The following PXYLP1 variants were observed in gnomAD, a reference collection of about 807,000 sequenced individuals.
The protein encoded by PXYLP1 is acid phosphatase-like 2.
A neutral mutation model predicts 37.9 loss-of-function variants in PXYLP1; 17 were observed. That is an observed-to-expected ratio of 0.45 (90% CI 0.31 to 0.67). The LOEUF (loss-of-function observed/expected upper bound fraction) is 0.67. Among genes scored for constraint, PXYLP1 ranks in the 30% least tolerant of loss-of-function variants. The probability of loss-of-function intolerance (pLI) is 0.07; values close to 1 mark genes in which losing one functional copy is unlikely to be tolerated. For missense variants in PXYLP1, 511 were observed against 612.0 expected, an observed-to-expected ratio of 0.84 and a Z score of 1.74; for synonymous variants, 221 against 232.2, an observed-to-expected ratio of 0.95 and a Z score of 0.44.
chr3:141,259,070 C>T (rs1416743666), intron 1 of PXYLP1, among the ~76,000 whole-genome samples: 2 of 152,164 alleles, frequency 1.3e-5, no homozygotes, highest in African/African-American at 2.4e-5. Context: ...AAAAGATGTG[C>T]TTTTCGTAGT....
chr3:141,256,208 G>A (rs1198764235), intron 1 of PXYLP1, among the ~76,000 whole-genome samples: 2 of 152,130 alleles, frequency 1.3e-5, no homozygotes, highest in African/African-American at 4.8e-5. Flanking sequence ...ATATCTGCTC[G>A]ACCGCAGGGC....
intron 2 of PXYLP1, chr3:141,272,933 T>C (rs1449650545): frequency 9.6e-6 from 9 of 941,818 alleles, no homozygotes; most frequent in African/African-American, 3.6e-5. Flanking sequence ...AGCAATACTT[T>C]GTGTTCTTCA....
chr3:141,238,192 T>C (rs181917251), intron 1 of PXYLP1, among the ~76,000 whole-genome samples: 16 of 152,352 alleles, frequency 1.1e-4, no homozygotes, highest in Non-Finnish European at 1.9e-4. Flanking sequence ...CTGCATTTCC[T>C]GTGTCTGCCG....
At chr3:141,287,174 C>A in intron 4 of PXYLP1, 140 bp from the exon 5 acceptor site, 3 of 871,412 alleles carry the variant, frequency 3.4e-6, no homozygotes, top group African/African-American at 1.7e-5. Context: ...GAAATTGGAA[C>A]TGAAAAGTGA....
intron 2 of PXYLP1, chr3:141,274,410 CT>C: frequency 6.9e-7 from 1 of 1,456,274 alleles, no homozygotes. Flanking sequence ...CCATGTTTGG[CT>C]GTGTTTCACG....
chr3:141,242,824 G>T (rs1940843970), intron 1 of PXYLP1, among the ~76,000 whole-genome samples: 1 of 152,180 alleles, frequency 6.6e-6, no homozygotes, highest in African/African-American at 2.4e-5. Context: ...GCCCCCTGAG[G>T]CAGGCAGCAA....
At chr3:141,254,774 A>G (rs1941228004) in intron 1 of PXYLP1, among the ~76,000 whole-genome samples, 1 of 152,206 alleles carries the variant, frequency 6.6e-6, no homozygotes, top group Non-Finnish European at 1.5e-5. Context: ...CAAAAAAATC[A>G]ACGTGTAGAA....
At chr3:141,277,479 T>C (rs542608432) in intron 2 of PXYLP1, among the ~76,000 whole-genome samples, 4 of 152,038 alleles carry the variant, frequency 2.6e-5, no homozygotes, top group Admixed American at 2.6e-4. Flanking sequence ...GAGGGATAGA[T>C]GGCTGGGCAG....
In PXYLP1 at chr3:141,245,045, CTTTTTTT is replaced by C. The variant is rs10546747; in HGVS notation, c.-54+13150_-54+13156del. Among the ~76,000 whole-genome samples the C allele has an allele frequency of 7.6e-3, 802 of 106,170 alleles. 7 individuals carry two copies. The highest frequency in any genetic ancestry group is 0.025 in the African/African-American group (741 of 29,498). The allele number at this position is 106,170 out of a possible 152,430, so 69.7% of individuals were successfully genotyped here. On this transcript the variant is annotated intron_variant, in intron 1 of 5. Coordinates refer to ENST00000286353, the MANE Select transcript of PXYLP1 (RefSeq NM_001037172.3). ...AAAGGTAAGAAATGCCACTAACTCC[CTTTTTTT>C]TTTTTTTTTTTTTTTGAGACAGAGT...
chr3:141,254,121 C>T (rs1941204936), intron 1 of PXYLP1, among the ~76,000 whole-genome samples: 1 of 152,068 alleles, frequency 6.6e-6, no homozygotes, highest in Non-Finnish European at 1.5e-5. Context: ...CTGTGTTGGC[C>T]AGGCTGGTCT....
intron 2 of PXYLP1, among the ~76,000 whole-genome samples, chr3:141,265,133 G>C (rs1941475761): frequency 6.6e-6 from 1 of 152,246 alleles, no homozygotes; most frequent in East Asian, 1.9e-4. Context: ...GCCCAGGTGA[G>C]TCACCTGTAG....
intron 1 of PXYLP1, among the ~76,000 whole-genome samples, chr3:141,248,490 C>T (rs1256152259): frequency 8.6e-5 from 11 of 127,862 alleles, no homozygotes; most frequent in Admixed American, 3.1e-4. Context: ...AATATGTGTG[C>T]GTGTGTGTAT....
At chr3:141,245,287 G>A (rs1940910584) in intron 1 of PXYLP1, among the ~76,000 whole-genome samples, 2 of 151,904 alleles carry the variant, frequency 1.3e-5, no homozygotes, top group African/African-American at 2.4e-5. Context: ...GGCTGGTCTC[G>A]AACTCCTGAC....
chr3:141,267,243 T>C (rs911416581), intron 2 of PXYLP1: 1 of 152,216 alleles, frequency 6.6e-6, no homozygotes, highest in Admixed American at 6.5e-5. Context: ...TATGTTTGAA[T>C]GTGGGGATGC....
chr3:141,278,611 C>T, intron 3 of PXYLP1, 111 bp downstream of exon 3: 1 of 1,396,752 alleles, frequency 7.2e-7, no homozygotes, highest in Non-Finnish European at 9.8e-7. Context: ...CTGCAGTTGC[C>T]ACCAGGCTGT....
At chr3:141,282,335 T>G (rs1941973882) in intron 4 of PXYLP1, among the ~76,000 whole-genome samples, 2 of 152,190 alleles carry the variant, frequency 1.3e-5, no homozygotes, top group Admixed American at 6.5e-5. Context: ...CCTTTAAGTC[T>G]TTGCTCAAAT....
intron 1 of PXYLP1, among the ~76,000 whole-genome samples, chr3:141,256,583 C>G (rs578050953): frequency 4.6e-5 from 7 of 152,336 alleles, no homozygotes; most frequent in African/African-American, 1.7e-4. Flanking sequence ...CCTTGGGGTC[C>G]TAGCTTCAGC....
chr3:141,270,417 T>G (rs550820419), intron 2 of PXYLP1, among the ~76,000 whole-genome samples: 59 of 152,318 alleles, frequency 3.9e-4, no homozygotes, highest in African/African-American at 1.3e-3. Context: ...GACTCTTCGT[T>G]GTGGTTCTGG....
intron 1 of PXYLP1, among the ~76,000 whole-genome samples, chr3:141,252,283 CCT>C (rs1408434738): frequency 5.3e-5 from 8 of 152,146 alleles, no homozygotes; most frequent in Admixed American, 2.0e-4. Flanking sequence ...CAGCACACCC[CCT>C]GTGTTAGTCC....
Sources: allele counts gnomAD v4.1 joint callset (sites outside exome capture counted in the v4.1 genomes callset), GRCh38; gene constraint gnomAD v4.1.1; transcripts MANE v1.5; gene names NCBI Gene and HGNC (gene_info 2026-07-23, HGNC 2026-07-21).